Variants in ELAPOR1 observed in about 807,000 individuals in gnomAD.
ELAPOR1 encodes the protein endosome-lysosome associated apoptosis and autophagy regulator 1, also known as endosome/lysosome-associated apoptosis and autophagy regulator 1.
A neutral mutation model predicts 119.7 loss-of-function variants in ELAPOR1; 77 were observed. That is an observed-to-expected ratio of 0.64 (90% CI 0.54 to 0.78). The LOEUF is 0.78. ELAPOR1 is among the 30% of genes least tolerant of loss of function. ELAPOR1 has a pLI of 0.00. For synonymous variants in ELAPOR1, 481 were observed against 487.2 expected (o/e 0.99, Z 0.17); for missense variants, 1,115 against 1,270.4 (o/e 0.88, Z 1.86).
intron 7 of ELAPOR1, among the ~76,000 whole-genome samples, chr1:109,178,280 G>C (rs1437817150): frequency 1.3e-5 from 2 of 152,060 alleles, no homozygotes; most frequent in Non-Finnish European, 1.5e-5. Context: ...CAAAGTGTTG[G>C]GATTACAGGC....
rs752224036 is a variant in ELAPOR1 at position 109,171,972 on chromosome 1, G to A, written c.574G>A (p.Glu192Lys). The change falls in exon 4 of 22, where the codon GAA (glutamate) becomes AAA (lysine). Residue 192 changes from glutamate (E) to lysine (K), a missense_variant. Glu to Lys is a moderately conservative substitution (Grantham distance 56). Coordinates refer to ENST00000369939, the MANE Select transcript of ELAPOR1 (RefSeq NM_020775.5). ...NLKQSGTVNF[E>K]YYYPDSSIIF... Reference sequence around the variant, plus strand: ...GAAGCAATCTGGCACCGTTAACTTCGAATACTACTATCCAGACTCCAGCAT... The same window carrying A: ...GAAGCAATCTGGCACCGTTAACTTCAAATACTACTATCCAGACTCCAGCAT... The A allele has an allele frequency of 4.3e-6, 7 of 1,614,024 alleles. No individual in the cohort carries two copies. The highest frequency in any genetic ancestry group is 1.1e-5 in the South Asian group (1 of 91,088).
chr1:109,141,269 A>ATT (rs111230291), intron 1 of ELAPOR1, among the ~76,000 whole-genome samples: 14 of 151,596 alleles, frequency 9.2e-5, no homozygotes, highest in African/African-American at 2.2e-4. Flanking sequence ...TTATTAATTA[A>ATT]TTTTTTTTTG....
rs114869886 is a variant in ELAPOR1 at position 109,189,393 on chromosome 1, C to T, written c.1348+199C>T. 1.0e-2 allele frequency among the ~76,000 whole-genome samples: 1,516 copies of T among 152,318 alleles called. 15 individuals are homozygous for T. The highest frequency in any genetic ancestry group is 0.034 in the African/African-American group (1,394 of 41,570). On this transcript the variant is annotated intron_variant, in intron 10 of 21. Coordinates refer to ENST00000369939, the MANE Select transcript of ELAPOR1 (RefSeq NM_020775.5). ...GAAGGAACAGAGCTAGAAACATGAG[C>T]GTGCACTTCAAAGGTCTTGCTCTGA... is the stretch of plus-strand genomic sequence containing the variant.
rs2359244 is a variant in ELAPOR1 at position 109,194,510 on chromosome 1, T to C, written c.2037T>C (p.Thr679=). ...FNYNFSALAN[T]VTLAGGPSFT... ...ACAACTTCTCCGCTTTGGCAAACAC[T>C]GTCACTCTTGCTGGAGGGCCAAGCT... Residue 679 remains threonine, a synonymous_variant, in exon 15 of 22, where the codon ACT becomes ACC. Transcript: ENST00000369939. 0.77 allele frequency: 1,243,236 copies of C among 1,612,538 alleles called. 485,328 individuals carry two copies. Among genetic ancestry groups the C allele is most frequent in the East Asian group, 0.98 (43,891 of 44,864 alleles).
chr1:109,144,634 C>T lies in ELAPOR1; in HGVS notation c.154-17260C>T, dbSNP rs145750960. Among the ~76,000 whole-genome samples the T allele has an allele frequency of 2.0e-3, 305 of 152,096 alleles. 7 individuals are homozygous for T. The South Asian group carries it at 0.028, about 14-fold the overall frequency. On this transcript the variant is annotated intron_variant, in intron 1 of 21. Coordinates refer to ENST00000369939, the MANE Select transcript of ELAPOR1 (RefSeq NM_020775.5). ...GCATATGCCAGTAATCCCAGCTACT[C>T]GGGAGGCTGAGGCAGGAGAATCTCT...
intron 11 of ELAPOR1, among the ~76,000 whole-genome samples, chr1:109,189,985 T>A (rs905606344): frequency 6.6e-6 from 1 of 151,906 alleles, no homozygotes; most frequent in African/African-American, 2.4e-5. Context: ...AAAATAAAAA[T>A]AAAAAATAAT....
Position 109,203,058 on chromosome 1 carries a change from T to A in ELAPOR1, c.*46T>A. 7.3e-6 allele frequency: 10 copies of A among 1,368,856 alleles called. No individual in the cohort carries two copies. Among genetic ancestry groups the A allele is most frequent in the Non-Finnish European group, 1.0e-5 (10 of 967,902 alleles). 84.8% of individuals were successfully genotyped at this position (1,368,856 alleles called of 1,614,324 possible). The stretch of plus-strand genomic sequence containing the variant: ...TGCCTCCTCACCTTGCATAGCACCT[T>A]TGCAAGCCTGCGGCGATTTGGGTGC... On this transcript the variant is annotated 3_prime_UTR_variant, in exon 22 of 22. Coordinates refer to ENST00000369939, the MANE Select transcript of ELAPOR1 (RefSeq NM_020775.5).
At chr1:109,192,550 C>T (rs1327389927) in intron 13 of ELAPOR1, 61 bp from the exon 14 acceptor site, 2 of 1,548,346 alleles carry the variant, frequency 1.3e-6, no homozygotes, top group African/African-American at 2.7e-5. Context: ...TTTCTAGAGG[C>T]CTCAATTGTT....
chr1:109,191,648 A>G, intron 12 of ELAPOR1, 78 bp from the exon 13 acceptor site: 3 of 1,577,860 alleles, frequency 1.9e-6, no homozygotes, highest in Non-Finnish European at 2.6e-6. Context: ...CCGTGATGGC[A>G]CCTGGGATGG....
chr1:109,195,262 G>C (rs1475551418), intron 15 of ELAPOR1, among the ~76,000 whole-genome samples: 1 of 152,158 alleles, frequency 6.6e-6, no homozygotes, highest in Non-Finnish European at 1.5e-5. Flanking sequence ...GGGAGGCCTA[G>C]GTGGGTGGAT....
intron 15 of ELAPOR1, among the ~76,000 whole-genome samples, chr1:109,194,932 A>G (rs976758828): frequency 3.9e-4 from 59 of 151,268 alleles, no homozygotes; most frequent in African/African-American, 1.4e-3. Context: ...ATATGGAGAA[A>G]CCCCGTCTCT....
At chr1:109,161,181 G>A (rs561398787) in intron 1 of ELAPOR1, among the ~76,000 whole-genome samples, 24 of 152,122 alleles carry the variant, frequency 1.6e-4, no homozygotes, top group Non-Finnish European at 2.9e-4. Context: ...GGAGGCCAAG[G>A]CAGGTGGATC....
At chr1:109,117,822 G>A (rs1195581173) in intron 1 of ELAPOR1, among the ~76,000 whole-genome samples, 1 of 151,946 alleles carries the variant, frequency 6.6e-6, no homozygotes, top group African/African-American at 2.4e-5. Context: ...AGGATGATAG[G>A]AAAAGAAAGA....
chr1:109,172,845 A>G (rs529052856), intron 5 of ELAPOR1, among the ~76,000 whole-genome samples: 1 of 152,266 alleles, frequency 6.6e-6, no homozygotes, highest in East Asian at 1.9e-4. Context: ...CTGTAATCCC[A>G]GCACTTTGGG....
At chr1:109,145,687 G>A (rs990659486) in intron 1 of ELAPOR1, among the ~76,000 whole-genome samples, 1 of 151,886 alleles carries the variant, frequency 6.6e-6, no homozygotes, top group African/African-American at 2.4e-5. Flanking sequence ...TTTAAAACTC[G>A]GTGGCTAGGT....
At chr1:109,178,618 C>T (rs1275454006) in intron 7 of ELAPOR1, among the ~76,000 whole-genome samples, 2 of 152,190 alleles carry the variant, frequency 1.3e-5, no homozygotes, top group Admixed American at 6.5e-5. Context: ...TATATAAACA[C>T]CTAAGTGCAG....
Position 109,192,496 on chromosome 1 carries a change from ATTC to A in ELAPOR1, c.1684-109_1684-107del, listed in dbSNP as rs1653500778. ...GTAAAAAGAGTCAGATGCTTCTCAGATTCTTCTTAAGTATCACAGGATAGAAGA... is the reference window on the plus strand; with the variant it reads ...GTAAAAAGAGTCAGATGCTTCTCAGATTCTTAAGTATCACAGGATAGAAGA... On this transcript the variant is annotated intron_variant, in intron 13 of 21. Coordinates refer to ENST00000369939, the MANE Select transcript of ELAPOR1 (RefSeq NM_020775.5). 20 of 1,123,498 alleles carry A rather than the reference ATTC, an allele frequency of 1.8e-5. No homozygotes were observed. The South Asian group carries it at 2.6e-4, about 14-fold the overall frequency. 69.6% of individuals were successfully genotyped at this position (1,123,498 alleles called of 1,614,324 possible).
intron 1 of ELAPOR1, among the ~76,000 whole-genome samples, chr1:109,157,016 A>G (rs961422690): frequency 6.6e-6 from 1 of 152,212 alleles, no homozygotes; most frequent in African/African-American, 2.4e-5. Flanking sequence ...AACCTCCAAC[A>G]AGGTACAAAA....
At chr1:109,119,486 C>CTT (rs11331074) in intron 1 of ELAPOR1, among the ~76,000 whole-genome samples, 34 of 135,484 alleles carry the variant, frequency 2.5e-4, no homozygotes, top group African/African-American at 8.3e-4. Context: ...ACTCAGCCTG[C>CTT]TTTTTTTTTT....
Sources: gnomAD v4.1 joint callset for allele counts (sites outside exome capture counted in the v4.1 genomes callset) on GRCh38, gnomAD v4.1.1 for gene constraint, MANE v1.5 for transcripts, NCBI Gene and HGNC (gene_info 2026-07-23, HGNC 2026-07-21) for gene names.